Variants in SERPINA9 observed in about 807,000 individuals in gnomAD.
SERPINA9 encodes the protein serpin A9.
Under a neutral mutation model 24.5 loss-of-function variants are expected in SERPINA9, and 32 were observed. That is an observed-to-expected ratio of 1.30 (90% confidence interval 0.98 to 1.75). The LOEUF (loss-of-function observed/expected upper bound fraction) is 1.75. Ranked by LOEUF, SERPINA9 falls within the 40% of genes most tolerant of loss-of-function variation. SERPINA9 has a pLI of 0.00. For synonymous variants in SERPINA9, 233 were observed against 197.7 expected, an observed-to-expected ratio of 1.18 and a Z score of -1.50; for missense variants, 594 against 497.1, an observed-to-expected ratio of 1.19 and a Z score of -1.85.
At position 94,463,189 on chromosome 14, in the gene SERPINA9, A is replaced by C; in HGVS notation, c.1158T>G (p.Thr386=). ...VRSKDGPSYF[T]VSFNRTFLMM... is the part of the protein sequence containing the mutation. ...TCAGGAAGGTCCTATTGAAGGAGAC[A>C]GTGAAGTAAGAGGGGCCATCCTTCG... The change falls in exon 5 of 5, where the codon ACT becomes ACG. Residue 386 remains threonine (T), a synonymous_variant. Coordinates refer to ENST00000674397, the MANE Select transcript of SERPINA9 (RefSeq NM_175739.4). The C allele has an allele frequency of 6.2e-7, 1 of 1,614,166 alleles. No individual in the cohort carries two copies. The highest frequency in any genetic ancestry group is 8.5e-7 in the Non-Finnish European group (1 of 1,179,954).
chr14:94,471,096 G>C (rs1899293127), intron 1 of SERPINA9, among the ~76,000 whole-genome samples: 1 of 139,734 alleles, frequency 7.2e-6, no homozygotes, highest in Admixed American at 7.8e-5. Context: ...CCATGACCTG[G>C]ATGTCCTTCC....
rs45438596 is a variant in SERPINA9 at position 94,469,725 on chromosome 14, G to A, written c.116C>T (p.Thr39Ile). 0.025 allele frequency: 40,002 copies of A among 1,593,258 alleles called. 638 individuals carry two copies. Among genetic ancestry groups the A allele is most frequent in the African/African-American group, 0.043 (3,209 of 74,702 alleles). The change falls in exon 2 of 5, where the codon ACC becomes ATC. Residue 39 changes from threonine (T) to isoleucine (I), a missense_variant. Transcript: ENST00000674397. ...AYPRPSSTKSTPASQVYSLNT... is the reference protein window; with the variant it reads ...AYPRPSSTKSIPASQVYSLNT... ...GAGGGAATACACCTGTGAGGCAGGGGTGCTCTTTGTGGAGGAAGGGCGGGG... is the reference window on the plus strand; with the variant it reads ...GAGGGAATACACCTGTGAGGCAGGGATGCTCTTTGTGGAGGAAGGGCGGGG...
At position 94,469,543 on chromosome 14, in the gene SERPINA9, A is replaced by G; in HGVS notation, c.298T>C (p.Phe100Leu). 6.2e-7 allele frequency: 1 copy of G among 1,614,136 alleles called. No homozygotes were observed. The highest frequency in any genetic ancestry group is 8.5e-7 in the Non-Finnish European group (1 of 1,180,030). The part of the protein sequence containing the change: ...TKTQILQGLG[F>L]NLTHTPESAI... ...GACTCTGGTGTGTGTGTGAGGTTGA[A>G]GCCCAGGCCCTGGAGAATCTGGGTC... The change falls in exon 2 of 5, where the codon TTC becomes CTC. Residue 100 changes from phenylalanine (F) to leucine (L), a missense_variant. Physicochemically the swap from Phe to Leu is conservative, Grantham distance 22. Coordinates refer to ENST00000674397, the MANE Select transcript of SERPINA9 (RefSeq NM_175739.4).
Position 94,469,546 on chromosome 14 carries a change from C to G in SERPINA9, c.295G>C (p.Gly99Arg). Residue 99 changes from glycine to arginine, a missense_variant, in exon 2 of 5, where the codon GGC (glycine) becomes CGC (arginine). By Grantham distance (125) the Gly-to-Arg change is moderately radical. Coordinates refer to ENST00000674397, the MANE Select transcript of SERPINA9 (RefSeq NM_175739.4). ...TCTGGTGTGTGTGTGAGGTTGAAGC[C>G]CAGGCCCTGGAGAATCTGGGTCTTG... ...VTKTQILQGL[G>R]FNLTHTPESA... 2 of 1,614,076 alleles carry G rather than the reference C, an allele frequency of 1.2e-6. No individual in the cohort carries two copies. The highest frequency in any genetic ancestry group is 2.2e-5 in the South Asian group (2 of 91,068).
In SERPINA9 at chr14:94,467,124, T is replaced by C. The variant is rs1354334232; in HGVS notation, c.887A>G (p.His296Arg). The change falls in exon 3 of 5, where the codon CAC (histidine) becomes CGC (arginine). Residue 296 changes from histidine to arginine, a missense_variant. Coordinates refer to ENST00000674397, the MANE Select transcript of SERPINA9 (RefSeq NM_175739.4). ...LSARTLRKWS[H>R]SLQKRWIEVF... ...AGATGCCCACCTTTTCTGGAGTGAGTGGCTCCACTTTCTCAGTGTTCTGGC... is the reference window on the plus strand; with the variant it reads ...AGATGCCCACCTTTTCTGGAGTGAGCGGCTCCACTTTCTCAGTGTTCTGGC... 2.5e-6 allele frequency: 4 copies of C among 1,613,924 alleles called. No individual in the cohort carries two copies. The highest frequency in any genetic ancestry group is 3.4e-6 in the Non-Finnish European group (4 of 1,179,900).
Position 94,469,581 on chromosome 14 carries a change from T to C in SERPINA9, c.260A>G (p.His87Arg), listed in dbSNP as rs753937955. 4.3e-6 allele frequency: 7 copies of C among 1,613,842 alleles called. No individual in the cohort carries two copies. The highest frequency in any genetic ancestry group is 3.3e-4 in the Middle Eastern group (2 of 6,062). Residue 87 changes from histidine (H) to arginine (R), a missense_variant, in exon 2 of 5, where the codon CAC becomes CGC. Transcript: ENST00000674397. ...TSLAMLSLGAHSVTKTQILQG... is the reference protein window; with the variant it reads ...TSLAMLSLGARSVTKTQILQG... ...GAGAATCTGGGTCTTGGTGACTGAG[T>C]GGGCCCCAAGGGAGAGCATGGCCAG...
intron 1 of SERPINA9, among the ~76,000 whole-genome samples, chr14:94,475,661 T>C (rs1899578600): frequency 1.3e-5 from 2 of 152,144 alleles, no homozygotes; most frequent in East Asian, 1.9e-4. Context: ...TCCTGGGCCT[T>C]AGAAAGTATC....
At chr14:94,476,063 G>C in intron 1 of SERPINA9, 73 bp downstream of exon 1, 1 of 1,609,346 alleles carries the variant, frequency 6.2e-7, no homozygotes, top group South Asian at 1.1e-5. Flanking sequence ...TGAAGACCAT[G>C]CTCTGATCCA....
rs769630965 is a variant in SERPINA9 at position 94,463,159 on chromosome 14, C to A, written c.1188G>T (p.Met396Ile). Residue 396 changes from methionine to isoleucine, a missense_variant, in exon 5 of 5, where the codon ATG becomes ATT. Met to Ile is a conservative substitution (Grantham distance 10). Coordinates refer to ENST00000674397, the MANE Select transcript of SERPINA9 (RefSeq NM_175739.4). ...TACCGTCTGTGGCTTTATTTGTAAT[C>A]ATCATCAGGAAGGTCCTATTGAAGG... Reference protein sequence around the residue: ...TVSFNRTFLMMITNKATDGIL... With the variant: ...TVSFNRTFLMIITNKATDGIL... 6 of 1,614,188 alleles carry A rather than the reference C, an allele frequency of 3.7e-6. No homozygotes were observed. Among genetic ancestry groups the A allele is most frequent in the East Asian group, 2.2e-5 (1 of 44,894 alleles).
intron 4 of SERPINA9, 114 bp downstream of exon 4, chr14:94,464,593 C>T (rs1898904949): frequency 1.1e-6 from 1 of 888,908 alleles, no homozygotes; most frequent in African/African-American, 1.7e-5. Flanking sequence ...CCGCAGAAGA[C>T]CCTGACTTCA....
Position 94,469,605 on chromosome 14 carries a change from A to G in SERPINA9, c.236T>C (p.Leu79Pro). ...FFSPVSVSTS[L>P]AMLSLGAHSV... ...GTGGGCCCCAAGGGAGAGCATGGCCAGGGAAGTGGAGACACTCACAGGGGA... is the reference window on the plus strand; with the variant it reads ...GTGGGCCCCAAGGGAGAGCATGGCCGGGGAAGTGGAGACACTCACAGGGGA... Residue 79 changes from leucine (L) to proline (P), a missense_variant, in exon 2 of 5, where the codon CTG (leucine) becomes CCG (proline). By Grantham distance (98) the Leu-to-Pro change is moderately conservative. Coordinates refer to ENST00000674397, the MANE Select transcript of SERPINA9 (RefSeq NM_175739.4). The G allele has an allele frequency of 1.2e-6, 2 of 1,614,186 alleles. No individual in the cohort carries two copies. The highest frequency in any genetic ancestry group is 1.7e-6 in the Non-Finnish European group (2 of 1,180,034).
rs1370479292 is a variant in SERPINA9, at chr14:94,467,254, C to T, written c.757G>A (p.Glu253Lys). 2 of 1,614,110 alleles carry T rather than the reference C, an allele frequency of 1.2e-6. No homozygotes were observed. The highest frequency in any genetic ancestry group is 1.7e-6 in the Non-Finnish European group (2 of 1,180,046). The change falls in exon 3 of 5, where the codon GAG (glutamate) becomes AAG (lysine). Residue 253 changes from glutamate (E) to lysine (K), a missense_variant. Coordinates refer to ENST00000674397, the MANE Select transcript of SERPINA9 (RefSeq NM_175739.4). Reference protein sequence around the residue: ...KEQFAFGVDTELNCFVLQMDY... With the variant: ...KEQFAFGVDTKLNCFVLQMDY... ...ATCTGCAGCACAAAGCAGTTCAGCT[C>T]TGTATCCACCCCAAAAGCGAACTGC... is the stretch of plus-strand genomic sequence containing the variant.
At chr14:94,464,947 C>A in intron 3 of SERPINA9, 93 bp from the exon 4 acceptor site, 1 of 1,059,670 alleles carries the variant, frequency 9.4e-7, no homozygotes, top group Non-Finnish European at 1.4e-6. Context: ...TCCGTTCTTC[C>A]TCCAACCACT....
At chr14:94,473,718 A>G (rs1324823492) in intron 1 of SERPINA9, among the ~76,000 whole-genome samples, 1 of 152,100 alleles carries the variant, frequency 6.6e-6, no homozygotes, top group Non-Finnish European at 1.5e-5. Context: ...TACTGTGTTA[A>G]CTTGGGGTCT....
Position 94,462,790 on chromosome 14 carries a change from C to T in SERPINA9, c.*303G>A, listed in dbSNP as rs978859630. On this transcript the variant is annotated 3_prime_UTR_variant, in exon 5 of 5. Transcript: ENST00000674397. ...TAATTCTGCAATAGAGGTGCCTAAC[C>T]TGGGTTGGCGTATTTCCATTCCTGG... is the stretch of plus-strand genomic sequence containing the variant. 4.1e-5 allele frequency: 15 copies of T among 369,722 alleles called. No homozygotes were observed. The highest frequency in any genetic ancestry group is 6.6e-5 in the Non-Finnish European group (13 of 197,686). The allele number at this position is 369,722 out of a possible 1,614,324, so 22.9% of individuals were successfully genotyped here.
chr14:94,472,372 G>A (rs555515532), intron 1 of SERPINA9, among the ~76,000 whole-genome samples: 39 of 130,148 alleles, frequency 3.0e-4, no homozygotes, highest in African/African-American at 7.6e-4. Flanking sequence ...AGCTATTACC[G>A]GCTTGAGAGG....
chr14:94,466,430 C>T (rs1250306783), intron 3 of SERPINA9, among the ~76,000 whole-genome samples: 1 of 152,214 alleles, frequency 6.6e-6, no homozygotes, highest in East Asian at 1.9e-4. Context: ...ACACTGCAGC[C>T]TTCCTTCTCT....
chr14:94,472,460 G>A lies in SERPINA9; in HGVS notation c.-17-2603C>T, dbSNP rs186926075. Among the ~76,000 whole-genome samples the A allele has an allele frequency of 5.3e-3, 801 of 152,198 alleles. 1 individual carries two copies. Among genetic ancestry groups the A allele is most frequent in the Non-Finnish European group, 8.2e-3 (555 of 68,028 alleles). ...CTTCTGGCACTTCTGAAATTTACTC[G>A]ACTTCTATTACCAAATGGATTATCA... On this transcript the variant is annotated intron_variant, in intron 1 of 4. Transcript: ENST00000674397.
At position 94,464,748 on chromosome 14, in the gene SERPINA9, A is replaced by C; in HGVS notation, c.1009T>G (p.Phe337Val). The C allele has an allele frequency of 6.2e-7, 1 of 1,613,958 alleles. No individual in the cohort carries two copies. Among genetic ancestry groups the C allele is most frequent in the Non-Finnish European group, 8.5e-7 (1 of 1,179,846 alleles). ...IQNVFDKNAD[F>V]SGIAKRDSLQ... is the part of the protein sequence containing the mutation. Reference sequence around the variant, plus strand: ...GAGTCTCTCTTTGCAATTCCAGAAAAATCAGCATTTTTGTCAAAGACATTT... The same window carrying C: ...GAGTCTCTCTTTGCAATTCCAGAAACATCAGCATTTTTGTCAAAGACATTT... The change falls in exon 4 of 5, where the codon TTT becomes GTT. Residue 337 changes from phenylalanine (F) to valine (V), a missense_variant. Transcript: ENST00000674397.
Sources: allele counts gnomAD v4.1 joint callset (sites outside exome capture counted in the v4.1 genomes callset), GRCh38; gene constraint gnomAD v4.1.1; transcripts MANE v1.5; gene names NCBI Gene and HGNC (gene_info 2026-07-23, HGNC 2026-07-21).